ELAVL2: variants seen among roughly 807,000 people sequenced by gnomAD.
ELAVL2 encodes ELAV-like protein 2.
In ELAVL2, 4 loss-of-function variants were observed where a neutral mutation model predicts 34.6. That is an observed-to-expected ratio of 0.12 (90% CI 0.06 to 0.26). The LOEUF is 0.26. Among genes scored for constraint, ELAVL2 ranks in the 10% least tolerant of loss-of-function variants. The pLI is 1.00. For missense variants in ELAVL2, 432 were observed against 442.8 expected, an observed-to-expected ratio of 0.98 and a Z score of 0.22; for synonymous variants, 193 against 154.8, an observed-to-expected ratio of 1.25 and a Z score of -1.83.
intron 1 of ELAVL2, among the ~76,000 whole-genome samples, chr9:23,797,938 A>G (rs954863127): frequency 2.6e-5 from 4 of 151,246 alleles, no homozygotes; most frequent in South Asian, 2.1e-4. Context: ...CAAAAGAAAA[A>G]AAAAGAAAAG....
intron 3 of ELAVL2, among the ~76,000 whole-genome samples, chr9:23,706,453 G>T (rs1023833361): frequency 3.3e-5 from 5 of 152,328 alleles, no homozygotes; most frequent in Admixed American, 6.5e-5. Flanking sequence ...TTAAGGGTCA[G>T]TTCAAGTCAT....
chr9:23,737,521 G>T (rs774384376), intron 2 of ELAVL2, among the ~76,000 whole-genome samples: 7 of 152,166 alleles, frequency 4.6e-5, no homozygotes, highest in Non-Finnish European at 8.8e-5. Flanking sequence ...CCACAAATCG[G>T]TAAGTATGAA....
chr9:23,765,942 C>A (rs900381774), intron 1 of ELAVL2, among the ~76,000 whole-genome samples: 3 of 152,028 alleles, frequency 2.0e-5, no homozygotes, highest in African/African-American at 7.2e-5. Flanking sequence ...GCCCAAATAC[C>A]AAACAGAGCC....
In ELAVL2 at chr9:23,762,166, G is replaced by T. The variant is rs770351813; in HGVS notation, c.69C>A (p.Asn23Lys). The change falls in exon 2 of 7, where the codon AAC becomes AAA. Residue 23 changes from asparagine (N) to lysine (K), a missense_variant. Physicochemically the swap from Asn to Lys is moderately conservative, Grantham distance 94 (BLOSUM62 0). Coordinates refer to ENST00000397312, the MANE Select transcript of ELAVL2 (RefSeq NM_004432.5). Reference protein sequence around the residue: ...NTANGPTTINNNCSSPVDSGN... With the variant: ...NTANGPTTINKNCSSPVDSGN... ...CAGAGTCAACTGGTGACGAACAGTT[G>T]TTGTTTATGGTGGTTGGACCATTGG... The T allele has an allele frequency of 1.9e-6, 3 of 1,613,642 alleles. No individual in the cohort carries two copies. Among genetic ancestry groups the T allele is most frequent in the South Asian group, 2.2e-5 (2 of 91,080 alleles).
chr9:23,731,688 C>T (rs1210606547), intron 2 of ELAVL2, among the ~76,000 whole-genome samples: 1 of 152,084 alleles, frequency 6.6e-6, no homozygotes, highest in Non-Finnish European at 1.5e-5. Context: ...CAAATACACT[C>T]AATCAAATTT....
At chr9:23,720,947 C>T (rs1554681789) in intron 3 of ELAVL2, among the ~76,000 whole-genome samples, 2 of 152,120 alleles carry the variant, frequency 1.3e-5, no homozygotes, top group Non-Finnish European at 2.9e-5. Flanking sequence ...TCAACCACCC[C>T]ACCCCACTGA....
chr9:23,803,756 G>A (rs970245856), intron 1 of ELAVL2, among the ~76,000 whole-genome samples: 1 of 152,078 alleles, frequency 6.6e-6, no homozygotes, highest in Admixed American at 6.6e-5. Context: ...GGGGTGGGGG[G>A]ACAAGTCCCC....
chr9:23,739,828 A>G (rs78641951), intron 2 of ELAVL2, among the ~76,000 whole-genome samples: 9,654 of 152,096 alleles, frequency 0.063, 402 homozygotes, highest in East Asian at 0.14. Flanking sequence ...CAGTCCATCA[A>G]GAGGCAGTAC....
At chr9:23,782,703 A>G (rs2136888045) in intron 1 of ELAVL2, among the ~76,000 whole-genome samples, 1 of 152,358 alleles carries the variant, frequency 6.6e-6, no homozygotes, top group Admixed American at 6.5e-5. Flanking sequence ...TCCATCCCAT[A>G]CCAAGAAAAC....
intron 2 of ELAVL2, among the ~76,000 whole-genome samples, chr9:23,750,998 G>C (rs143988076): frequency 8.4e-4 from 128 of 152,250 alleles, no homozygotes; most frequent in African/African-American, 3.0e-3. Context: ...AGGAGGATTT[G>C]ACTTTCTCAG....
chr9:23,779,770 A>T (rs796330546), intron 1 of ELAVL2, among the ~76,000 whole-genome samples: 48 of 152,056 alleles, frequency 3.2e-4, no homozygotes, highest in African/African-American at 1.1e-3. Flanking sequence ...GATTTCAAGC[A>T]GAGACCAGGA....
At chr9:23,693,322 A>G in intron 6 of ELAVL2, 126 bp downstream of exon 6, 1 of 1,176,656 alleles carries the variant, frequency 8.5e-7, no homozygotes, top group Non-Finnish European at 1.2e-6. Flanking sequence ...GCAGCTTTTC[A>G]TTAGGTTGCA....
intron 6 of ELAVL2, 124 bp downstream of exon 6, chr9:23,693,324 T>C: frequency 8.4e-7 from 1 of 1,187,908 alleles, no homozygotes; most frequent in South Asian, 1.4e-5. Flanking sequence ...AGCTTTTCAT[T>C]AGGTTGCACA....
intron 3 of ELAVL2, among the ~76,000 whole-genome samples, chr9:23,705,820 C>A (rs1022281760): frequency 6.6e-6 from 1 of 152,170 alleles, no homozygotes; most frequent in Non-Finnish European, 1.5e-5. Flanking sequence ...TAACAGGCCA[C>A]GGACTGGTAT....
At chr9:23,821,855 G>A (rs1320861934) in intron 1 of ELAVL2, 1 of 151,410 alleles carries the variant, frequency 6.6e-6, no homozygotes, top group Non-Finnish European at 1.5e-5. Context: ...TTGTAGCGGG[G>A]CGGGAAGGAG....
intron 1 of ELAVL2, among the ~76,000 whole-genome samples, chr9:23,815,575 T>C (rs2063588796): frequency 6.6e-6 from 1 of 152,224 alleles, no homozygotes; most frequent in Non-Finnish European, 1.5e-5. Context: ...TCAGTCAATG[T>C]CATTTCATTG....
upstream of ELAVL2, among the ~76,000 whole-genome samples, chr9:23,830,601 T>TATACACACAC (rs2065467368): frequency 1.5e-5 from 2 of 133,182 alleles, no homozygotes; most frequent in Non-Finnish European, 3.2e-5. Context: ...GCCCCCCACT[T>TATACACACAC]ACACACACAC....
the ELAVL2 span, among the ~76,000 whole-genome samples, chr9:23,850,338 T>C: frequency 1.4e-5 from 2 of 144,816 alleles, no homozygotes; most frequent in Admixed American, 7.4e-5. Context: ...TCACTAGCCC[T>C]GCCACAGTCT....
the ELAVL2 span, chr9:23,847,198 C>T: frequency 6.6e-6 from 1 of 152,040 alleles, no homozygotes; most frequent in Non-Finnish European, 1.5e-5. Context: ...CAATTAGAAA[C>T]AATAAATGAA....
Sources: gnomAD v4.1 joint callset for allele counts (sites outside exome capture counted in the v4.1 genomes callset) on GRCh38, gnomAD v4.1.1 for gene constraint, MANE v1.5 for transcripts, NCBI Gene and HGNC (gene_info 2026-07-23, HGNC 2026-07-21) for gene names.